Variants in LOC122455342 observed in about 807,000 individuals in gnomAD.
At chr17:76,569,530 C>A in the LOC122455342 span, 1 of 205,030 alleles carries the variant, frequency 4.9e-6, no homozygotes, top group Non-Finnish European at 8.0e-6. Context: ...GGAAGAGCCC[C>A]GAGTGGGGGA....
At chr17:76,569,599 G>A in the LOC122455342 span, 1 of 398,602 alleles carries the variant, frequency 2.5e-6, no homozygotes, top group Non-Finnish European at 4.4e-6. Flanking sequence ...ACGGGACTGG[G>A]AGGGAGACTG....
chr17:76,568,838 C>G, the LOC122455342 span: 17 of 1,602,114 alleles, frequency 1.1e-5, no homozygotes, highest in Non-Finnish European at 1.4e-5. Context: ...CCAGAGCCGT[C>G]GTATTGCAAG....
At chr17:76,568,900 C>A in the LOC122455342 span, 2 of 1,065,358 alleles carry the variant, frequency 1.9e-6, no homozygotes, top group South Asian at 1.3e-5. Context: ...GTACCCTGAG[C>A]GGTAGGAGCG....
At chr17:76,569,358 G>A in the LOC122455342 span, 1 of 394,268 alleles carries the variant, frequency 2.5e-6, no homozygotes, top group Non-Finnish European at 4.4e-6. Flanking sequence ...TTCGAGAGAG[G>A]GATTTGAAAC....
chr17:76,568,916 G>A, the LOC122455342 span: 1 of 878,816 alleles, frequency 1.1e-6, no homozygotes, highest in Non-Finnish European at 1.8e-6. Flanking sequence ...GAGCGGGGCT[G>A]GGAGTAGTAG....
chr17:76,568,878 G>T, the LOC122455342 span: 3 of 1,385,056 alleles, frequency 2.2e-6, no homozygotes, highest in Non-Finnish European at 3.1e-6. Context: ...TCAGGGCGCC[G>T]GAGTAGCCGC....
the LOC122455342 span, chr17:76,568,912 G>T: frequency 1.1e-6 from 1 of 932,908 alleles, no homozygotes; most frequent in African/African-American, 1.7e-5. Context: ...GTAGGAGCGG[G>T]GCTGGGAGTA....
the LOC122455342 span, chr17:76,569,029 G>C: frequency 2.9e-6 from 1 of 346,382 alleles, no homozygotes; most frequent in Admixed American, 4.7e-5. Context: ...GAGAGAGGAG[G>C]GGGGCATGAA....
chr17:76,569,033 G>A, the LOC122455342 span: 1 of 125,784 alleles, frequency 8.0e-6, no homozygotes, highest in Non-Finnish European at 1.6e-5. Context: ...GAGGAGGGGG[G>A]CATGAACAGA....
At chr17:76,569,261 T>A in the LOC122455342 span, 1 of 305,736 alleles carries the variant, frequency 3.3e-6, no homozygotes, top group Non-Finnish European at 5.6e-6. Flanking sequence ...TAGGACGGGA[T>A]GTTCTGAATT....
At chr17:76,569,535 G>A in the LOC122455342 span, 6 of 394,756 alleles carry the variant, frequency 1.5e-5, no homozygotes, top group Admixed American at 1.3e-4. Flanking sequence ...AGCCCCGAGT[G>A]GGGGAGGGGG....
At chr17:76,568,819 A>G in the LOC122455342 span, 1 of 1,611,954 alleles carries the variant, frequency 6.2e-7, no homozygotes. Context: ...ATAGAAGTGG[A>G]CAGAGCGCCC....
chr17:76,569,046 G>C, the LOC122455342 span: 2 of 264,806 alleles, frequency 7.6e-6, no homozygotes, highest in African/African-American at 3.3e-5. Flanking sequence ...TGAACAGACC[G>C]GGGGGAGTTG....
the LOC122455342 span, chr17:76,568,889 G>T: frequency 8.0e-7 from 1 of 1,243,108 alleles, no homozygotes; most frequent in Non-Finnish European, 1.2e-6. Context: ...GAGTAGCCGC[G>T]GTACCCTGAG....
the LOC122455342 span, chr17:76,569,607 C>T: frequency 1.5e-5 from 6 of 396,004 alleles, no homozygotes; most frequent in Non-Finnish European, 2.7e-5. Flanking sequence ...GGGAGGGAGA[C>T]TGGGTAGGGG....
chr17:76,568,912 G>A, the LOC122455342 span: 1 of 932,908 alleles, frequency 1.1e-6, no homozygotes, highest in Admixed American at 2.0e-5. Context: ...GTAGGAGCGG[G>A]GCTGGGAGTA....
At chr17:76,569,026 G>T in the LOC122455342 span, 1 of 360,924 alleles carries the variant, frequency 2.8e-6, no homozygotes. Context: ...GGAGAGAGAG[G>T]AGGGGGGCAT....
the LOC122455342 span, chr17:76,568,924 TAGC>T: frequency 3.7e-6 from 3 of 805,686 alleles, no homozygotes; most frequent in African/African-American, 5.4e-5. Context: ...CTGGGAGTAG[TAGC>T]GGGAGAAGGG....
the LOC122455342 span, chr17:76,569,305 TAGA>T: frequency 4.9e-5 from 8 of 162,548 alleles, no homozygotes; most frequent in East Asian, 9.8e-5. Flanking sequence ...GGCAGGGCTG[TAGA>T]AGGAGGACTT....
Sources: allele counts gnomAD v4.1 joint callset, GRCh38; gene constraint gnomAD v4.1.1; transcripts MANE v1.5.